Variants in MYL11 observed in about 807,000 individuals in gnomAD.
MYL11 encodes the protein myosin regulatory light chain 11.
the MYL11 span, chr16:30,375,921 G>A: frequency 1.9e-6 from 3 of 1,613,416 alleles, no homozygotes; most frequent in Non-Finnish European, 1.7e-6. Context: ...AGGTGGGTGA[G>A]GGGACGGGGA....
At chr16:30,373,675 T>C in the MYL11 span, among the ~76,000 whole-genome samples, 1 of 148,526 alleles carries the variant, frequency 6.7e-6, no homozygotes, top group African/African-American at 2.5e-5. Context: ...GGCAGAAGTA[T>C]CGCTTGAACC....
At chr16:30,376,737 A>T in the MYL11 span, 1 of 1,579,796 alleles carries the variant, frequency 6.3e-7, no homozygotes, top group African/African-American at 1.4e-5. Flanking sequence ...CCCTTCCCCC[A>T]CTCCACCAGC....
the MYL11 span, among the ~76,000 whole-genome samples, chr16:30,373,310 T>A: frequency 3.3e-5 from 5 of 151,994 alleles, no homozygotes; most frequent in African/African-American, 7.2e-5. Context: ...TACAAAAAAT[T>A]AGATGCCGGG....
At chr16:30,374,628 TC>T in the MYL11 span, 13 of 540,588 alleles carry the variant, frequency 2.4e-5, no homozygotes, top group African/African-American at 3.9e-5. Flanking sequence ...CAAGACATGC[TC>T]CCCCCTTCCT....
the MYL11 span, chr16:30,375,898 CAGG>C: frequency 6.2e-7 from 1 of 1,614,064 alleles, no homozygotes; most frequent in Non-Finnish European, 8.5e-7. Context: ...GACTCAGATC[CAGG>C]AGTTCAAAGA....
At chr16:30,374,337 GGGT>G in the MYL11 span, among the ~76,000 whole-genome samples, 2 of 151,788 alleles carry the variant, frequency 1.3e-5, no homozygotes. Context: ...AGGGAGACAG[GGGT>G]CTCACTATGT....
the MYL11 span, among the ~76,000 whole-genome samples, chr16:30,377,253 A>G: frequency 6.6e-6 from 1 of 151,816 alleles, no homozygotes; most frequent in African/African-American, 2.4e-5. Flanking sequence ...AGTGGTGGCA[A>G]ACACCTATAG....
chr16:30,374,909 C>T, the MYL11 span: 1 of 1,594,500 alleles, frequency 6.3e-7, no homozygotes, highest in Non-Finnish European at 8.5e-7. Flanking sequence ...GACCTCAGGG[C>T]AGCCTCACCC....
chr16:30,373,171 C>T, the MYL11 span, among the ~76,000 whole-genome samples: 1 of 152,214 alleles, frequency 6.6e-6, no homozygotes, highest in Non-Finnish European at 1.5e-5. Flanking sequence ...CCTCTTGGCT[C>T]GGCGCGGTGG....
At chr16:30,377,038 C>A in the MYL11 span, among the ~76,000 whole-genome samples, 1 of 152,212 alleles carries the variant, frequency 6.6e-6, no homozygotes, top group South Asian at 2.1e-4. Context: ...CACGGTGAAA[C>A]CCCGTCTCTA....
chr16:30,376,825 G>A, the MYL11 span: 4 of 882,378 alleles, frequency 4.5e-6, no homozygotes, highest in Non-Finnish European at 5.3e-6. Flanking sequence ...CCAGTGCTTT[G>A]GGAGGCAGAG....
At chr16:30,377,643 C>T in the MYL11 span, 1 of 1,497,172 alleles carries the variant, frequency 6.7e-7, no homozygotes, top group Non-Finnish European at 9.0e-7. Context: ...CCTTGTGTCA[C>T]CTCTCTCCAG....
At chr16:30,372,833 T>A in the MYL11 span, 1 of 151,384 alleles carries the variant, frequency 6.6e-6, no homozygotes, top group African/African-American at 2.4e-5. Flanking sequence ...ACCAGCCCCA[T>A]CACAATTCTG....
chr16:30,377,112 C>T, the MYL11 span, among the ~76,000 whole-genome samples: 1 of 152,056 alleles, frequency 6.6e-6, no homozygotes, highest in African/African-American at 2.4e-5. Flanking sequence ...ACTAGGGAGA[C>T]TGGGACATGA....
At chr16:30,373,890 G>C in the MYL11 span, among the ~76,000 whole-genome samples, 1 of 152,074 alleles carries the variant, frequency 6.6e-6, no homozygotes, top group East Asian at 1.9e-4. Context: ...ACACACACTT[G>C]ACTATGAACT....
chr16:30,376,140 C>T, the MYL11 span: 5 of 1,613,654 alleles, frequency 3.1e-6, no homozygotes, highest in East Asian at 2.2e-5. Context: ...CACGGCCCTC[C>T]CCAGGCCTTC....
chr16:30,371,124 G>A, the MYL11 span: 1 of 152,284 alleles, frequency 6.6e-6, no homozygotes, highest in Admixed American at 6.5e-5. Context: ...AGCTGTCTCA[G>A]CCAATGGGAG....
chr16:30,377,715 C>T, the MYL11 span: 2 of 1,578,668 alleles, frequency 1.3e-6, no homozygotes, highest in Non-Finnish European at 1.7e-6. Flanking sequence ...GAGTGGGGAC[C>T]GGGGCGGGGC....
the MYL11 span, chr16:30,376,447 A>G: frequency 6.2e-7 from 1 of 1,613,858 alleles, no homozygotes. Context: ...AAGAATGAGG[A>G]GTTGGATGCC....
Sources: allele counts gnomAD v4.1 joint callset (sites outside exome capture counted in the v4.1 genomes callset), GRCh38; gene constraint gnomAD v4.1.1; transcripts MANE v1.5; gene names NCBI Gene and HGNC (gene_info 2026-07-23, HGNC 2026-07-21).